Variants in PITPNA observed in about 807,000 individuals in gnomAD.
PITPNA encodes phosphatidylinositol transfer protein alpha isoform.
In PITPNA, 13 loss-of-function variants were observed where a neutral mutation model predicts 50.3. That is an observed-to-expected ratio of 0.26 (90% CI 0.17 to 0.41). The LOEUF is 0.41. PITPNA is among the 10% of genes least tolerant of loss of function. PITPNA has a pLI of 1.00. For missense variants in PITPNA, 207 were observed against 333.4 expected, an observed-to-expected ratio of 0.62 and a Z score of 2.95; for synonymous variants, 120 against 119.6, an observed-to-expected ratio of 1.00 and a Z score of -0.02.
Position 1,529,542 on chromosome 17 carries a change from C to CA in PITPNA, c.768+4556dup, listed in dbSNP as rs772511490. ...TGGGTGACACAGCAAGGTTCTGTCT[C>CA]AAAAAAAATAAAATAAAATTTTAGA... is the stretch of plus-strand genomic sequence containing the variant. On this transcript the variant is annotated intron_variant, in intron 10 of 11. Transcript: ENST00000313486. Among the ~76,000 whole-genome samples, 282 of 150,952 alleles carry CA rather than the reference C, an allele frequency of 1.9e-3. 1 individual carries two copies. Among genetic ancestry groups the CA allele is most frequent in the Non-Finnish European group, 3.1e-3 (213 of 67,728 alleles).
intron 7 of PITPNA, among the ~76,000 whole-genome samples, chr17:1,538,154 A>G (rs6502772): frequency 0.14 from 20,752 of 152,248 alleles, 1,822 homozygotes; most frequent in East Asian, 0.22. Context: ...CACCCCTGGG[A>G]TACAAAGAGC....
At chr17:1,551,476 A>G (rs1358029397) in intron 3 of PITPNA, among the ~76,000 whole-genome samples, 1 of 151,724 alleles carries the variant, frequency 6.6e-6, no homozygotes, top group Admixed American at 6.6e-5. Flanking sequence ...TATTTTTTGT[A>G]GAGATGGAGT....
chr17:1,529,726 G>T (rs1243659283), intron 10 of PITPNA, among the ~76,000 whole-genome samples: 1 of 151,736 alleles, frequency 6.6e-6, no homozygotes, highest in African/African-American at 2.4e-5. Flanking sequence ...GTGGTGGCGG[G>T]CACCTGTAGT....
intron 10 of PITPNA, among the ~76,000 whole-genome samples, chr17:1,522,682 C>T (rs941282678): frequency 2.0e-5 from 3 of 152,206 alleles, no homozygotes; most frequent in African/African-American, 4.8e-5. Context: ...CTCAGTGAGG[C>T]ATCTCTTTAG....
intron 10 of PITPNA, among the ~76,000 whole-genome samples, chr17:1,529,727 C>A (rs966745961): frequency 3.8e-4 from 57 of 151,828 alleles, no homozygotes; most frequent in African/African-American, 1.3e-3. Flanking sequence ...TGGTGGCGGG[C>A]ACCTGTAGTC....
At position 1,517,959 on chromosome 17, in the gene PITPNA, A is replaced by G. The variant is rs1598399587; in HGVS notation, c.*2602T>C. On this transcript the variant is annotated 3_prime_UTR_variant, in exon 12 of 12. Transcript: ENST00000313486. ...GTTTGAGGATACATACAGCTGGAAA[A>G]TGGACATCACCAAACTGGACTCCAG... 2 of 152,630 alleles carry G rather than the reference A, an allele frequency of 1.3e-5. No individual in the cohort carries two copies. The highest frequency in any genetic ancestry group is 4.1e-4 in the South Asian group (2 of 4,830). 9.5% of individuals were successfully genotyped at this position (152,630 alleles called of 1,614,324 possible).
At chr17:1,542,161 C>T (rs1050365385) in intron 5 of PITPNA, among the ~76,000 whole-genome samples, 1 of 151,432 alleles carries the variant, frequency 6.6e-6, no homozygotes, top group Non-Finnish European at 1.5e-5. Context: ...GATTGCACCA[C>T]TGCACTCCAG....
At chr17:1,541,192 C>T (rs1234847541) in intron 6 of PITPNA, among the ~76,000 whole-genome samples, 2 of 152,204 alleles carry the variant, frequency 1.3e-5, no homozygotes, top group African/African-American at 4.8e-5. Context: ...TTATTTCACA[C>T]ATGTGAAAAT....
At chr17:1,553,292 GCCCAAACCCA>G in intron 2 of PITPNA, 143 bp from the exon 3 acceptor site, 1 of 834,722 alleles carries the variant, frequency 1.2e-6, no homozygotes, top group Non-Finnish European at 1.9e-6. Context: ...ATCAGGCCTT[GCCCAAACCCA>G]CCCAAAGCAA....
intron 9 of PITPNA, 22 bp from the exon 10 acceptor site, chr17:1,534,243 G>A (rs1376880584): frequency 1.9e-6 from 3 of 1,613,216 alleles, no homozygotes; most frequent in East Asian, 4.5e-5. Context: ...AGGGAACCAC[G>A]TTAGAACGCA....
intron 6 of PITPNA, among the ~76,000 whole-genome samples, 162 bp from the exon 7 acceptor site, chr17:1,539,114 G>A (rs962982589): frequency 1.3e-5 from 2 of 152,196 alleles, no homozygotes; most frequent in African/African-American, 4.8e-5. Context: ...AAAGAAATGG[G>A]AGAATGGATT....
chr17:1,529,154 AAAGAG>A (rs1366649611), intron 10 of PITPNA, among the ~76,000 whole-genome samples: 2 of 109,494 alleles, frequency 1.8e-5, no homozygotes, highest in Non-Finnish European at 3.7e-5. Flanking sequence ...AAAAAAAAAA[AAAGAG>A]AGAGAGAGAC....
chr17:1,535,536 A>G lies in PITPNA; in HGVS notation c.457-18T>C. The G allele has an allele frequency of 6.3e-7, 1 of 1,577,664 alleles. No homozygotes were observed. Among genetic ancestry groups the G allele is most frequent in the Non-Finnish European group, 8.7e-7 (1 of 1,146,894 alleles). ...TTGTAATCCTGAGAGAAATTGTGGAATTGGGGTTGGAGGGGAGTGGGAGAG... is the reference window on the plus strand; with the variant it reads ...TTGTAATCCTGAGAGAAATTGTGGAGTTGGGGTTGGAGGGGAGTGGGAGAG... On this transcript the variant is annotated intron_variant, in intron 7 of 11. Transcript: ENST00000313486.
At position 1,521,873 on chromosome 17, in the gene PITPNA, CTTTTTTT is replaced by C. The variant is rs869029944; in HGVS notation, c.769-235_769-229del. 6.6e-4 allele frequency among the ~76,000 whole-genome samples: 81 copies of C among 121,828 alleles called. 1 individual carries two copies. Among genetic ancestry groups the C allele is most frequent in the African/African-American group, 2.1e-3 (63 of 30,706 alleles). 79.9% of individuals were successfully genotyped at this position (121,828 alleles called of 152,430 possible). Reference sequence around the variant, plus strand: ...TCTCGTGTCACGGTGTTTGAAGCACCTTTTTTTTTTTTTTTTTTTTGGTAAAGAGGTG... The same window carrying C: ...TCTCGTGTCACGGTGTTTGAAGCACCTTTTTTTTTTTTTGGTAAAGAGGTG... On this transcript the variant is annotated intron_variant, in intron 10 of 11. Transcript: ENST00000313486.
intron 1 of PITPNA, among the ~76,000 whole-genome samples, chr17:1,558,919 C>T (rs9908615): frequency 0.056 from 8,449 of 151,932 alleles, 765 homozygotes; most frequent in African/African-American, 0.19. Flanking sequence ...ACCTCACATT[C>T]GGAACTGGAC....
At chr17:1,543,975 G>A (rs116380725) in intron 4 of PITPNA, among the ~76,000 whole-genome samples, 3,142 of 152,282 alleles carry the variant, frequency 0.021, 109 homozygotes, top group African/African-American at 0.07. Context: ...CTCCTGTGCC[G>A]TGGTGGGCCC....
chr17:1,525,812 A>G (rs1196036159), intron 10 of PITPNA, among the ~76,000 whole-genome samples: 4 of 152,198 alleles, frequency 2.6e-5, no homozygotes, highest in Non-Finnish European at 2.9e-5. Flanking sequence ...GCCATCACGC[A>G]TGGCCAGCTT....
At chr17:1,554,203 C>A (rs1171811030) in intron 2 of PITPNA, among the ~76,000 whole-genome samples, 1 of 152,114 alleles carries the variant, frequency 6.6e-6, no homozygotes, top group African/African-American at 2.4e-5. Flanking sequence ...ATTATGTCTA[C>A]ACCAACGGAT....
intron 3 of PITPNA, among the ~76,000 whole-genome samples, chr17:1,551,173 G>C (rs953520384): frequency 6.6e-6 from 1 of 152,238 alleles, no homozygotes; most frequent in Non-Finnish European, 1.5e-5. Flanking sequence ...TACTGCAGGG[G>C]AGCTCTGCTT....
Sources: gnomAD v4.1 joint callset for allele counts (sites outside exome capture counted in the v4.1 genomes callset) on GRCh38, gnomAD v4.1.1 for gene constraint, MANE v1.5 for transcripts, NCBI Gene and HGNC (gene_info 2026-07-23, HGNC 2026-07-21) for gene names.